Variants in PLEKHA2 observed in about 807,000 individuals in gnomAD.
The protein encoded by PLEKHA2 is pleckstrin homology domain containing A2, also known as pleckstrin homology domain-containing family A member 2.
Under a neutral mutation model 53.2 loss-of-function variants are expected in PLEKHA2, and 28 were observed. That is an observed-to-expected ratio of 0.53 (90% CI 0.39 to 0.72). The LOEUF (loss-of-function observed/expected upper bound fraction) is 0.72, where lower values mean the gene tolerates loss of function less well. PLEKHA2 is among the 30% of genes least tolerant of loss of function. The probability of loss-of-function intolerance (pLI) is 0.00; values close to 1 mark genes in which losing one functional copy is unlikely to be tolerated. For missense variants in PLEKHA2, 426 were observed against 537.9 expected, an observed-to-expected ratio of 0.79 and a Z score of 2.06; for synonymous variants, 193 against 196.4, an observed-to-expected ratio of 0.98 and a Z score of 0.14.
At chr8:38,944,697 A>G (rs942171638) in intron 4 of PLEKHA2, among the ~76,000 whole-genome samples, 1 of 152,180 alleles carries the variant, frequency 6.6e-6, no homozygotes, top group Admixed American at 6.5e-5. Flanking sequence ...ATCATGATCC[A>G]GTCACCTCCC....
chr8:38,957,412 C>A, intron 10 of PLEKHA2, 26 bp downstream of exon 10: 1 of 1,581,892 alleles, frequency 6.3e-7, no homozygotes, highest in South Asian at 1.1e-5. Context: ...CCAGAAGACT[C>A]CAGCATTCTG....
chr8:38,963,330 G>T (rs1835073558), intron 10 of PLEKHA2, among the ~76,000 whole-genome samples: 1 of 152,046 alleles, frequency 6.6e-6, no homozygotes, highest in Non-Finnish European at 1.5e-5. Flanking sequence ...TTCCTTTTTT[G>T]TTTTACTGAG....
At chr8:38,968,183 T>C (rs113044058) in intron 10 of PLEKHA2, among the ~76,000 whole-genome samples, 5,015 of 152,276 alleles carry the variant, frequency 0.033, 263 homozygotes, top group African/African-American at 0.11. Context: ...GGCAACTATG[T>C]TGAGAGTGAG....
At chr8:38,937,701 G>A (rs576698036) in intron 3 of PLEKHA2, among the ~76,000 whole-genome samples, 12 of 152,254 alleles carry the variant, frequency 7.9e-5, no homozygotes, top group African/African-American at 2.2e-4. Flanking sequence ...CCACTGGGTC[G>A]GGTTACACAG....
rs922846775 is a variant in PLEKHA2, at chr8:38,957,101, G to A, written c.774-222G>A. ...TGCTGGTGGGAGAGGGGCCTGGGGA[G>A]GGTCCATCTGGATGGCAAAGCCTCC... On this transcript the variant is annotated intron_variant, in intron 9 of 11. Transcript: ENST00000617275. 8.5e-5 allele frequency among the ~76,000 whole-genome samples: 13 copies of A among 152,092 alleles called. 1 individual carries two copies. The highest frequency in any genetic ancestry group is 3.1e-4 in the African/African-American group (13 of 41,412).
chr8:38,954,657 G>A (rs564804627), intron 9 of PLEKHA2, among the ~76,000 whole-genome samples: 3 of 152,246 alleles, frequency 2.0e-5, no homozygotes, highest in African/African-American at 7.2e-5. Context: ...ACCCAGTCCA[G>A]GGTTTTAGGA....
chr8:38,923,302 A>C (rs1425920113), intron 2 of PLEKHA2, among the ~76,000 whole-genome samples: 1 of 152,220 alleles, frequency 6.6e-6, no homozygotes, highest in African/African-American at 2.4e-5. Flanking sequence ...GTTGATTTAC[A>C]TCTTAGGCAA....
intron 4 of PLEKHA2, among the ~76,000 whole-genome samples, chr8:38,945,068 G>A (rs958175982): frequency 6.6e-6 from 1 of 152,284 alleles, no homozygotes; most frequent in Middle Eastern, 3.4e-3. Context: ...GGTGTAGGAG[G>A]CAGAGTCACC....
chr8:38,928,712 A>G (rs1438758777), intron 2 of PLEKHA2, among the ~76,000 whole-genome samples: 1 of 152,214 alleles, frequency 6.6e-6, no homozygotes, highest in African/African-American at 2.4e-5. Flanking sequence ...TAAAAACATT[A>G]AGCCCACGCA....
intron 10 of PLEKHA2, among the ~76,000 whole-genome samples, chr8:38,962,845 C>T (rs7007639): frequency 0.54 from 82,112 of 152,018 alleles, 23,727 homozygotes; most frequent in African/African-American, 0.76. Flanking sequence ...TAGAGCTCTT[C>T]GGATACTTAC....
intron 1 of PLEKHA2, among the ~76,000 whole-genome samples, chr8:38,902,869 C>A (rs373180134): frequency 1.3e-5 from 2 of 152,134 alleles, no homozygotes; most frequent in East Asian, 3.9e-4. Context: ...TTGTAAGCCC[C>A]CCACTTGTTT....
In PLEKHA2 at chr8:38,950,840, C is replaced by T. The variant is rs1477335430; in HGVS notation, c.346-10C>T. 1 of 1,609,980 alleles carries T rather than the reference C, an allele frequency of 6.2e-7. No individual in the cohort carries two copies. The highest frequency in any genetic ancestry group is 8.5e-7 in the Non-Finnish European group (1 of 1,177,172). On this transcript the variant is annotated splice_polypyrimidine_tract_variant and intron_variant, in intron 5 of 11. Coordinates refer to ENST00000617275, the MANE Select transcript of PLEKHA2 (RefSeq NM_021623.2). ...TGTTCCCCATTGATTGTTGCTGCCG[C>T]TCACCCCAGGTTCCCAAAGGTGGGG...
intron 8 of PLEKHA2, 97 bp from the exon 9 acceptor site, chr8:38,953,200 G>C (rs1834878931): frequency 2.0e-6 from 2 of 978,896 alleles, no homozygotes; most frequent in Non-Finnish European, 3.2e-6. Flanking sequence ...CCTGATTTTA[G>C]CCAACCATCT....
At chr8:38,958,128 C>T (rs1342837466) in intron 10 of PLEKHA2, among the ~76,000 whole-genome samples, 1 of 152,082 alleles carries the variant, frequency 6.6e-6, no homozygotes, top group Admixed American at 6.5e-5. Context: ...AGTTTGAGAC[C>T]AGCCTGGTCA....
chr8:38,955,836 T>C (rs189347533), intron 9 of PLEKHA2, among the ~76,000 whole-genome samples: 5 of 152,344 alleles, frequency 3.3e-5, no homozygotes, highest in Admixed American at 6.5e-5. Flanking sequence ...TTTGTTGTTG[T>C]TGAGATAGAG....
Position 38,969,941 on chromosome 8 carries a change from CTGTG to C in PLEKHA2, c.*192_*195del, listed in dbSNP as rs150722357. 4,572 of 694,948 alleles carry C rather than the reference CTGTG, an allele frequency of 6.6e-3. 21 individuals are homozygous for C. The highest frequency in any genetic ancestry group is 0.029 in the African/African-American group (1,482 of 51,016). 43.0% of individuals were successfully genotyped at this position (694,948 alleles called of 1,614,324 possible). On this transcript the variant is annotated 3_prime_UTR_variant, in exon 12 of 12. Transcript: ENST00000617275. ...GGAGGGAGGGGCCCATCCAGCTGGG[CTGTG>C]TGTGTGTGTGTGTGTGTGTGTGTGT...
At chr8:38,902,865 G>A (rs1405426036) in intron 1 of PLEKHA2, among the ~76,000 whole-genome samples, 1 of 152,118 alleles carries the variant, frequency 6.6e-6, no homozygotes, top group Non-Finnish European at 1.5e-5. Flanking sequence ...GGACTTGTAA[G>A]CCCCCCACTT....
At chr8:38,917,808 G>C (rs1834087303) in intron 1 of PLEKHA2, 99 bp from the exon 2 acceptor site, 1 of 1,365,468 alleles carries the variant, frequency 7.3e-7, no homozygotes, top group African/African-American at 1.5e-5. Flanking sequence ...GAAGGAAGCT[G>C]GTGAGAGTCT....
chr8:38,959,614 GA>G (rs1254762184), intron 10 of PLEKHA2, among the ~76,000 whole-genome samples: 13 of 152,218 alleles, frequency 8.5e-5, no homozygotes, highest in Non-Finnish European at 2.9e-5. Context: ...GGACAGAAGA[GA>G]AAAGGCTAAG....
Sources: gnomAD v4.1 joint callset for allele counts (sites outside exome capture counted in the v4.1 genomes callset) on GRCh38, gnomAD v4.1.1 for gene constraint, MANE v1.5 for transcripts, NCBI Gene and HGNC (gene_info 2026-07-23, HGNC 2026-07-21) for gene names.